The following EFHC1 variants were observed in gnomAD, a reference collection of about 807,000 sequenced individuals.
EFHC1 encodes EF-hand domain-containing protein 1.
EFHC1 carries 53 observed loss-of-function variants against 69.9 expected under a neutral mutation model. The ratio of observed to expected loss-of-function variants is 0.76; its 90% confidence interval spans 0.61 to 0.95. The LOEUF (loss-of-function observed/expected upper bound fraction) is 0.95, where lower values mean the gene tolerates loss of function less well. EFHC1 is among the 40% of genes least tolerant of loss of function. The pLI is 0.00. For missense variants in EFHC1, 739 were observed against 798.7 expected (o/e 0.93, Z 0.90); for synonymous variants, 256 against 278.4 (o/e 0.92, Z 0.80).
chr6:52,494,460 G>T lies in EFHC1; in HGVS notation c.*2119G>T, dbSNP rs190998325. On this transcript the variant is annotated 3_prime_UTR_variant, in exon 11 of 11. Coordinates refer to ENST00000371068, the MANE Select transcript of EFHC1 (RefSeq NM_018100.4). ...CTAGCCCATGTAGGCTCTGGGAAAG[G>T]TTAAGCGGGTAGAAACCAGAGAAAA... 1 of 454,002 alleles carries T rather than the reference G, an allele frequency of 2.2e-6. No homozygotes were observed. The highest frequency in any genetic ancestry group is 2.0e-5 in the African/African-American group (1 of 50,000). 28.1% of individuals were successfully genotyped at this position (454,002 alleles called of 1,614,324 possible).
At chr6:52,468,287 C>A (rs1283268913) in intron 6 of EFHC1, 1 of 152,134 alleles carries the variant, frequency 6.6e-6, no homozygotes, top group Non-Finnish European at 1.5e-5. Context: ...GCAGGAGTAT[C>A]TAGGAGTGAT....
intron 2 of EFHC1, among the ~76,000 whole-genome samples, chr6:52,430,701 A>G (rs1279746210): frequency 1.3e-5 from 2 of 152,110 alleles, no homozygotes; most frequent in Non-Finnish European, 2.9e-5. Context: ...TGGTTTTGGT[A>G]TTAGGGTGAT....
intron 3 of EFHC1, among the ~76,000 whole-genome samples, chr6:52,441,473 G>A (rs951361999): frequency 4.6e-5 from 7 of 151,968 alleles, no homozygotes; most frequent in African/African-American, 1.7e-4. Flanking sequence ...GTCTGTTTTT[G>A]TACCAGTACT....
At chr6:52,437,108 A>G (rs1764551534) in intron 2 of EFHC1, among the ~76,000 whole-genome samples, 1 of 152,196 alleles carries the variant, frequency 6.6e-6, no homozygotes, top group South Asian at 2.1e-4. Context: ...CGGATTGATG[A>G]TGAGGGTATG....
intron 3 of EFHC1, 129 bp downstream of exon 3, chr6:52,438,720 T>A: frequency 9.8e-7 from 1 of 1,015,278 alleles, no homozygotes; most frequent in East Asian, 2.5e-5. Flanking sequence ...TATGAATGGC[T>A]AGGTATTTGC....
intron 3 of EFHC1, among the ~76,000 whole-genome samples, chr6:52,440,750 C>T (rs1423851199): frequency 2.6e-5 from 4 of 152,112 alleles, no homozygotes; most frequent in Non-Finnish European, 5.9e-5. Context: ...ATACTCTCAT[C>T]ACCAGTGTAT....
chr6:52,438,396 A>G lies in EFHC1; in HGVS notation c.378A>G (p.Leu126=), dbSNP rs2113979351. 6.2e-7 allele frequency: 1 copy of G among 1,614,042 alleles called. No homozygotes were observed. Among genetic ancestry groups the G allele is most frequent in the East Asian group, 2.2e-5 (1 of 44,882 alleles). The stretch of plus-strand genomic sequence containing the variant: ...GTCAGGTGAACATTTACTATTATCT[A>G]GAAGATGACAGCATGTCTGTCATAG... ...RIRQVNIYYY[L]EDDSMSVIEP... The change falls in exon 3 of 11, where the codon CTA becomes CTG. Residue 126 remains leucine, a synonymous_variant. Coordinates refer to ENST00000371068, the MANE Select transcript of EFHC1 (RefSeq NM_018100.4).
chr6:52,447,470 T>C (rs1764812785), intron 3 of EFHC1, among the ~76,000 whole-genome samples: 1 of 152,230 alleles, frequency 6.6e-6, no homozygotes, highest in Admixed American at 6.5e-5. Flanking sequence ...CGTCTAATCT[T>C]TTTTTCAAGG....
rs779990464 is a variant in EFHC1 at position 52,479,753 on chromosome 6, C to G, written c.1606C>G (p.Arg536Gly). 23 of 1,614,028 alleles carry G rather than the reference C, an allele frequency of 1.4e-5. No individual in the cohort carries two copies. The highest frequency in any genetic ancestry group is 1.9e-5 in the Non-Finnish European group (23 of 1,180,038). The change falls in exon 9 of 11, where the codon CGA (arginine) becomes GGA (glycine). Residue 536 changes from arginine (R) to glycine (G), a missense_variant. Arg to Gly is a moderately radical substitution (Grantham distance 125). Coordinates refer to ENST00000371068, the MANE Select transcript of EFHC1 (RefSeq NM_018100.4). ...ACTCGCGTCAATTCAGAACCATGTC[C>G]GAAAGCGAGAAGCGCCTGCTCCAGA... is the stretch of plus-strand genomic sequence containing the variant. Reference protein sequence around the residue: ...EALASIQNHVRKREAPAPEAE... With the variant: ...EALASIQNHVGKREAPAPEAE...
At chr6:52,447,297 T>C (rs1432885964) in intron 3 of EFHC1, among the ~76,000 whole-genome samples, 2 of 152,224 alleles carry the variant, frequency 1.3e-5, no homozygotes, top group African/African-American at 4.8e-5. Context: ...CTCTTCTCAC[T>C]TCATTTCATT....
chr6:52,454,090 C>G lies in EFHC1; in HGVS notation c.724-5C>G. On this transcript the variant is annotated splice_polypyrimidine_tract_variant and splice_region_variant and intron_variant, in intron 4 of 10. Transcript: ENST00000371068. ...TCTTGAGTCACTACTTTGGATTCTT[C>G]AAAGGTCCTTCGATTCTATGCAATC... The G allele has an allele frequency of 4.3e-6, 7 of 1,612,792 alleles. No individual in the cohort carries two copies. The highest frequency in any genetic ancestry group is 1.1e-5 in the South Asian group (1 of 90,940).
chr6:52,478,450 A>G (rs1224748846), intron 7 of EFHC1, among the ~76,000 whole-genome samples: 1 of 152,234 alleles, frequency 6.6e-6, no homozygotes, highest in Non-Finnish European at 1.5e-5. Context: ...AGTCTTGTCT[A>G]CAAGGTAGTT....
chr6:52,429,605 A>G (rs1325940720), intron 2 of EFHC1, among the ~76,000 whole-genome samples: 1 of 152,104 alleles, frequency 6.6e-6, no homozygotes, highest in African/African-American at 2.4e-5. Flanking sequence ...GTCTTATAGT[A>G]TAGTTTGAAA....
chr6:52,446,619 AT>A (rs1346207718), intron 3 of EFHC1, among the ~76,000 whole-genome samples: 2 of 152,104 alleles, frequency 1.3e-5, no homozygotes, highest in African/African-American at 4.8e-5. Context: ...TTAGATGGTT[AT>A]TTTGCTCATT....
intron 7 of EFHC1, among the ~76,000 whole-genome samples, chr6:52,475,561 G>C (rs77507491): frequency 0.043 from 6,514 of 152,238 alleles, 185 homozygotes; most frequent in South Asian, 0.093. Flanking sequence ...TGTCTTCCAA[G>C]AGATACGCAA....
chr6:52,470,495 G>A (rs1478430307), intron 7 of EFHC1, among the ~76,000 whole-genome samples: 4 of 152,154 alleles, frequency 2.6e-5, no homozygotes, highest in Admixed American at 6.5e-5. Flanking sequence ...CGTTCAGTAG[G>A]CAAAAGAATT....
intron 2 of EFHC1, among the ~76,000 whole-genome samples, chr6:52,428,044 A>C (rs1562443446): frequency 6.6e-6 from 1 of 152,176 alleles, no homozygotes; most frequent in Non-Finnish European, 1.5e-5. Flanking sequence ...AATACATGAT[A>C]ATCAGGAGCC....
At chr6:52,420,727 G>T (rs1764171762) in intron 1 of EFHC1, among the ~76,000 whole-genome samples, 1 of 152,074 alleles carries the variant, frequency 6.6e-6, no homozygotes, top group Non-Finnish European at 1.5e-5. Flanking sequence ...TTGGCAGTGT[G>T]TTGGCGCCTT....
chr6:52,470,300 C>T (rs927078018), intron 7 of EFHC1, among the ~76,000 whole-genome samples: 3 of 152,046 alleles, frequency 2.0e-5, no homozygotes, highest in Non-Finnish European at 4.4e-5. Context: ...AACAACAAAA[C>T]AGCAAAATGT....
Sources: gnomAD v4.1 joint callset for allele counts (sites outside exome capture counted in the v4.1 genomes callset) on GRCh38, gnomAD v4.1.1 for gene constraint, MANE v1.5 for transcripts, NCBI Gene and HGNC (gene_info 2026-07-23, HGNC 2026-07-21) for gene names.